TUBA1B: variants seen among roughly 807,000 people sequenced by gnomAD.
TUBA1B encodes tubulin alpha-1B chain.
A neutral mutation model predicts 34.4 loss-of-function variants in TUBA1B; 1 was observed. The observed-to-expected ratio is 0.03, with a 90% confidence interval of 0.01 to 0.14. The LOEUF (loss-of-function observed/expected upper bound fraction) is 0.14. TUBA1B is among the 10% of genes least tolerant of loss of function. The pLI is 1.00. For synonymous variants in TUBA1B, 197 were observed against 212.5 expected (o/e 0.93, Z 0.64); for missense variants, 54 against 583.6 (o/e 0.09, Z 9.35).
rs190664963 is a variant in TUBA1B, at chr12:49,128,959, G to A, written c.376-21C>T. Reference sequence around the variant, plus strand: ...TCAGCCTGTAGGGGAATAAAAAAATGTAATATTTTAATGCCAGGACACATT... The same window carrying A: ...TCAGCCTGTAGGGGAATAAAAAAATATAATATTTTAATGCCAGGACACATT... On this transcript the variant is annotated intron_variant, in intron 3 of 3. Transcript: ENST00000336023. The surrounding 1 kb of genome is among the most constrained non-coding windows in gnomAD (Gnocchi z 8.1). The A allele has an allele frequency of 1.2e-4, 192 of 1,573,186 alleles. No individual in the cohort carries two copies. The highest frequency in any genetic ancestry group is 5.1e-4 in the Middle Eastern group (3 of 5,826).
intron 3 of TUBA1B, 137 bp from the exon 4 acceptor site, chr12:49,129,075 A>G (rs1465715755): frequency 1.2e-5 from 19 of 1,522,312 alleles, no homozygotes; most frequent in Non-Finnish European, 1.7e-5. Flanking sequence ...ATATCCACAA[A>G]CTGTCCATAA....
intron 1 of TUBA1B, chr12:49,130,205 T>C (rs1941785739): frequency 1.6e-6 from 2 of 1,271,000 alleles, no homozygotes; most frequent in Admixed American, 2.4e-5. Context: ...GACAGGAAGG[T>C]GGGCATCCAT....
intron 3 of TUBA1B, 54 bp downstream of exon 3, chr12:49,129,188 C>G (rs757920321): frequency 6.8e-5 from 109 of 1,612,100 alleles, no homozygotes; most frequent in Non-Finnish European, 8.8e-5. Flanking sequence ...CTCCACCCAA[C>G]TTGCACTGGA....
chr12:49,131,390 C>G lies in TUBA1B; in HGVS notation c.-90G>C. 6.7e-7 allele frequency: 1 copy of G among 1,502,400 alleles called. No homozygotes were observed. Among genetic ancestry groups the G allele is most frequent in the Non-Finnish European group, 9.1e-7 (1 of 1,095,488 alleles). 93.1% of individuals were successfully genotyped at this position (1,502,400 alleles called of 1,614,324 possible). ...ACAAGCTAAGAGTCGAGGTAAGTAA[C>G]GCACTAGGGCGGGGCCGGCGCTGGA... On this transcript the variant is annotated 5_prime_UTR_variant, in exon 1 of 4. Coordinates refer to ENST00000336023, the MANE Select transcript of TUBA1B (RefSeq NM_006082.3).
chr12:49,129,871 C>T, intron 1 of TUBA1B, 149 bp from the exon 2 acceptor site: 1 of 1,352,256 alleles, frequency 7.4e-7, no homozygotes, highest in African/African-American at 1.4e-5. Context: ...CTCACTGCAG[C>T]CTAGGCTCCA....
chr12:49,130,311 G>A (rs1392028626), intron 1 of TUBA1B: 4 of 1,289,096 alleles, frequency 3.1e-6, no homozygotes, highest in African/African-American at 3.0e-5. Context: ...CAGCGCAGAA[G>A]AAATGTCTGT....
intron 1 of TUBA1B, 34 bp from the exon 2 acceptor site, chr12:49,129,756 C>A: frequency 1.9e-6 from 3 of 1,613,598 alleles, no homozygotes; most frequent in Non-Finnish European, 2.5e-6. Flanking sequence ...ACAATTTAAA[C>A]CAATCTATTG....
At position 49,129,284 on chromosome 12, in the gene TUBA1B, G is replaced by A; in HGVS notation, c.333C>T (p.Gly111=). 4 of 1,614,206 alleles carry A rather than the reference G, an allele frequency of 2.5e-6. No individual in the cohort carries two copies. The highest frequency in any genetic ancestry group is 3.4e-6 in the Non-Finnish European group (4 of 1,180,042). ...CCAACACAAGGTCAATGATCTCCTTGCCAATGGTGTAGTGCCCTCGGGCAT... is the reference window on the plus strand; with the variant it reads ...CCAACACAAGGTCAATGATCTCCTTACCAATGGTGTAGTGCCCTCGGGCAT... The part of the protein sequence containing the change: ...NNYARGHYTI[G]KEIIDLVLDR... The change falls in exon 3 of 4, where the codon GGC becomes GGT. Residue 111 remains glycine, a synonymous_variant. Coordinates refer to ENST00000336023, the MANE Select transcript of TUBA1B (RefSeq NM_006082.3).
intron 2 of TUBA1B, 49 bp from the exon 3 acceptor site, chr12:49,129,439 G>T (rs1941776615): frequency 1.2e-6 from 2 of 1,613,286 alleles, no homozygotes; most frequent in South Asian, 2.2e-5. Flanking sequence ...GACAAGAGAA[G>T]CCCCTGGACA....
At position 49,131,227 on chromosome 12, in the gene TUBA1B, G is replaced by A. The variant is rs1482321191; in HGVS notation, c.3+71C>T. On this transcript the variant is annotated intron_variant, in intron 1 of 3. Transcript: ENST00000336023. ...CCAGCCCTTCCCGGCTGTATACAGG[G>A]CCCCAGCGCCCCGCCGGCTCGCTTT... 7 of 1,555,846 alleles carry A rather than the reference G, an allele frequency of 4.5e-6. No homozygotes were observed. In the South Asian group the frequency reaches 7.0e-5, roughly 16 times the overall value.
At chr12:49,130,617 GGA>G (rs1215692328) in intron 1 of TUBA1B, 6 of 345,196 alleles carry the variant, frequency 1.7e-5, no homozygotes, top group African/African-American at 6.4e-5. Flanking sequence ...AACGCAGCAG[GGA>G]GAGACAGGTG....
chr12:49,129,678 A>T lies in TUBA1B; in HGVS notation c.48T>A (p.Ile16=). The T allele has an allele frequency of 6.2e-7, 1 of 1,614,248 alleles. No individual in the cohort carries two copies. The stretch of plus-strand genomic sequence containing the variant: ...AGTAGAGCTCCCAGCAGGCATTGCC[A>T]ATCTGGACACCAGCCTGGCCAACGT... ...SIHVGQAGVQ[I]GNACWELYCL... is the part of the protein sequence containing the mutation. Residue 16 remains isoleucine, a synonymous_variant, in exon 2 of 4, where the codon ATT becomes ATA. Transcript: ENST00000336023.
At chr12:49,131,191 C>A in intron 1 of TUBA1B, 107 bp downstream of exon 1, 1 of 1,410,860 alleles carries the variant, frequency 7.1e-7, no homozygotes, top group Non-Finnish European at 9.7e-7. Flanking sequence ...TCCAAACGGA[C>A]GGCTCTGAGG....
intron 1 of TUBA1B, chr12:49,130,242 T>G: frequency 7.8e-7 from 1 of 1,288,394 alleles, no homozygotes; most frequent in Non-Finnish European, 1.0e-6. Flanking sequence ...AGAAGCCCAC[T>G]TTAGACTAGG....
intron 1 of TUBA1B, chr12:49,130,193 A>C: frequency 7.9e-7 from 1 of 1,261,268 alleles, no homozygotes; most frequent in Non-Finnish European, 1.0e-6. Flanking sequence ...TTGGAGGACC[A>C]AGACAGGAAG....
chr12:49,128,180 C>T lies in TUBA1B; in HGVS notation c.1134G>A (p.Leu378=). ...LAKVQRAVCM[L]SNTTAIAEAW... is the part of the protein sequence containing the mutation. ...CCTCAGCAATGGCTGTGGTGTTGCT[C>T]AGCATGCACACAGCTCTCTGTACCT... The change falls in exon 4 of 4, where the codon CTG becomes CTA. Residue 378 remains leucine, a synonymous_variant. Coordinates refer to ENST00000336023, the MANE Select transcript of TUBA1B (RefSeq NM_006082.3). This position sits in a 1 kb window ranked among gnomAD's most constrained non-coding sequence, Gnocchi z 8.1. The T allele has an allele frequency of 1.9e-6, 3 of 1,614,186 alleles. No homozygotes were observed. The highest frequency in any genetic ancestry group is 2.5e-6 in the Non-Finnish European group (3 of 1,180,038).
At chr12:49,129,822 G>T in intron 1 of TUBA1B, 100 bp from the exon 2 acceptor site, 2 of 1,541,398 alleles carry the variant, frequency 1.3e-6, no homozygotes, top group South Asian at 1.2e-5. Context: ...TAGAGATAAG[G>T]TCTGTCGCCC....
Position 49,127,789 on chromosome 12 carries a change from G to T in TUBA1B, c.*169C>A. On this transcript the variant is annotated 3_prime_UTR_variant, in exon 4 of 4. Coordinates refer to ENST00000336023, the MANE Select transcript of TUBA1B (RefSeq NM_006082.3). ...AAACGCAGGAAACAAAGCTTTTGATGTTAATGACTTTACTTTGAGATATGA... is the reference window on the plus strand; with the variant it reads ...AAACGCAGGAAACAAAGCTTTTGATTTTAATGACTTTACTTTGAGATATGA... 9.1e-7 allele frequency: 1 copy of T among 1,096,596 alleles called. No homozygotes were observed. The highest frequency in any genetic ancestry group is 1.3e-6 in the Non-Finnish European group (1 of 770,218). 67.9% of individuals were successfully genotyped at this position (1,096,596 alleles called of 1,614,324 possible).
Position 49,129,248 on chromosome 12 carries a change from G to A in TUBA1B, c.369C>T (p.Arg123=). 6.2e-7 allele frequency: 1 copy of A among 1,613,992 alleles called. No homozygotes were observed. The highest frequency in any genetic ancestry group is 1.1e-5 in the South Asian group (1 of 91,084). Residue 123 remains arginine (R), a synonymous_variant, in exon 3 of 4, where the codon CGC becomes CGT. Coordinates refer to ENST00000336023, the MANE Select transcript of TUBA1B (RefSeq NM_006082.3). ...EIIDLVLDRI[R]KLADQCTGLQ... ...ATTTATATGTGGTGCTTACCAGCTT[G>A]CGAATTCGGTCCAACACAAGGTCAA...
Sources: allele counts gnomAD v4.1 joint callset, GRCh38; gene constraint gnomAD v4.1.1; non-coding constraint Gnocchi (gnomAD v3.1); transcripts MANE v1.5; gene names NCBI Gene and HGNC (gene_info 2026-07-23, HGNC 2026-07-21).